The following RBFOX1 variants were observed in gnomAD, a reference collection of about 807,000 sequenced individuals.
RBFOX1 encodes RNA binding protein fox-1 homolog 1.
In RBFOX1, 8 loss-of-function variants were observed where a neutral mutation model predicts 57.7. The observed-to-expected ratio is 0.14, with a 90% CI of 0.08 to 0.25. The LOEUF (loss-of-function observed/expected upper bound fraction) is 0.25. RBFOX1 is among the 10% of genes least tolerant of loss of function. The pLI, the probability that RBFOX1 is intolerant of heterozygous loss-of-function variation, is 1.00. For missense variants in RBFOX1, 611 were observed against 548.5 expected (o/e 1.11, Z -1.14); for synonymous variants, 326 against 222.4 (o/e 1.47, Z -4.15).
intron 1 of RBFOX1, among the ~76,000 whole-genome samples, chr16:6,146,982 C>T (rs921133855): frequency 1.3e-5 from 2 of 152,110 alleles, no homozygotes; most frequent in African/African-American, 4.8e-5. Context: ...TCCCACTGGT[C>T]GTGCATTAAA....
chr16:5,610,587 A>AGGTTGAGGCAGGAGGTC (rs769832421), intron 3 of RBFOX1: 2 of 152,262 alleles, frequency 1.3e-5, no homozygotes, highest in Admixed American at 6.5e-5. Flanking sequence ...AGTGCTTTGG[A>AGGTTGAGGCAGGAGGTC]GGTTGAGGCA....
intron 3 of RBFOX1, among the ~76,000 whole-genome samples, chr16:6,875,396 G>A (rs913237412): frequency 2.6e-5 from 4 of 152,142 alleles, no homozygotes; most frequent in South Asian, 2.1e-4. Flanking sequence ...TCTGAAGCTG[G>A]TAGTGGTTTT....
At chr16:5,752,241 G>C (rs972914605) in intron 3 of RBFOX1, among the ~76,000 whole-genome samples, 16 of 152,184 alleles carry the variant, frequency 1.1e-4, no homozygotes, top group Non-Finnish European at 1.5e-5. Context: ...GGGACACATA[G>C]AGGGGAGAAA....
intron 3 of RBFOX1, among the ~76,000 whole-genome samples, chr16:6,797,817 T>C (rs1603625973): frequency 2.6e-5 from 4 of 152,298 alleles, no homozygotes; most frequent in Admixed American, 6.5e-5. Context: ...CAACATTATG[T>C]CTGCAATCAT....
intron 2 of RBFOX1, among the ~76,000 whole-genome samples, chr16:6,555,092 A>G (rs2097073291): frequency 6.6e-6 from 1 of 152,164 alleles, no homozygotes; most frequent in Admixed American, 6.5e-5. Context: ...AACACAGGGA[A>G]GGAGGATAAG....
intron 4 of RBFOX1, among the ~76,000 whole-genome samples, chr16:7,303,579 AT>A (rs1346623481): frequency 6.6e-6 from 1 of 152,180 alleles, no homozygotes; most frequent in Non-Finnish European, 1.5e-5. Context: ...AACAAAAAAA[AT>A]AAATAATTTT....
chr16:6,473,276 C>T lies in RBFOX1; in HGVS notation c.-64+156219C>T, dbSNP rs374107995. On this transcript the variant is annotated intron_variant, in intron 2 of 15. Coordinates refer to ENST00000550418, the MANE Select transcript of RBFOX1 (RefSeq NM_018723.4). The stretch of plus-strand genomic sequence containing the variant: ...GGCTTTTTGTTGGCAGGGTACATGT[C>T]TGTCTCATTTTTGTAGTTCTGTAGT... 2.6e-5 allele frequency among the ~76,000 whole-genome samples: 4 copies of T among 152,140 alleles called. No individual in the cohort carries two copies. The East Asian group carries it at 7.7e-4, about 29-fold the overall frequency.
Position 5,585,036 on chromosome 16 carries a change from C to T in RBFOX1, c.259-13866C>T, listed in dbSNP as rs1423573882. Among the ~76,000 whole-genome samples, 6 of 152,228 alleles carry T rather than the reference C, an allele frequency of 3.9e-5. No individual in the cohort carries two copies. In the East Asian group the frequency reaches 9.7e-4, roughly 24 times the overall value. On this transcript the variant is annotated intron_variant, in intron 2 of 2. Coordinates refer to the RBFOX1 transcript ENST00000585867. The stretch of plus-strand genomic sequence containing the variant: ...CAGCCTCCACATAGCATAAAATTAA[C>T]CATTTTGGAGTTAACAATTCAGTGG...
chr16:7,579,661 C>T, intron 5 of RBFOX1, 116 bp from the exon 6 acceptor site: 2 of 1,298,346 alleles, frequency 1.5e-6, no homozygotes, highest in Non-Finnish European at 2.2e-6. Context: ...CATTTTCTTC[C>T]CTTCTCAGAT....
intron 4 of RBFOX1, among the ~76,000 whole-genome samples, chr16:7,144,790 T>C (rs920342996): frequency 1.3e-4 from 20 of 152,070 alleles, no homozygotes; most frequent in African/African-American, 4.3e-4. Context: ...CCTAAATCAA[T>C]AGCAAATCAA....
At chr16:7,496,603 C>G (rs763218535) in intron 4 of RBFOX1, among the ~76,000 whole-genome samples, 2 of 151,996 alleles carry the variant, frequency 1.3e-5, no homozygotes, top group Non-Finnish European at 2.9e-5. Context: ...AGTGTGTGTT[C>G]AAGTACTTGT....
chr16:5,965,283 G>T (rs1433088546), intron 4 of RBFOX1, among the ~76,000 whole-genome samples: 1 of 152,194 alleles, frequency 6.6e-6, no homozygotes, highest in Non-Finnish European at 1.5e-5. Context: ...TTTGCTAGGA[G>T]AGTAGACCTC....
At chr16:5,711,270 G>C (rs1268555738) in intron 3 of RBFOX1, among the ~76,000 whole-genome samples, 1 of 152,176 alleles carries the variant, frequency 6.6e-6, no homozygotes, top group East Asian at 1.9e-4. Context: ...ATTGGTATTA[G>C]TCATTGTTAT....
chr16:6,502,001 G>T (rs1160564079), intron 2 of RBFOX1, among the ~76,000 whole-genome samples: 1 of 152,132 alleles, frequency 6.6e-6, no homozygotes, highest in Non-Finnish European at 1.5e-5. Flanking sequence ...GGGATCGTGT[G>T]TCCTTGATTT....
chr16:5,908,332 ATG>A (rs879393323), intron 4 of RBFOX1, among the ~76,000 whole-genome samples: 49 of 137,436 alleles, frequency 3.6e-4, no homozygotes, highest in South Asian at 7.7e-4. Context: ...ACATATATAT[ATG>A]TGTGTGTGTG....
At chr16:7,608,881 G>A (rs1229676723) in intron 10 of RBFOX1, among the ~76,000 whole-genome samples, 1 of 152,208 alleles carries the variant, frequency 6.6e-6, no homozygotes, top group African/African-American at 2.4e-5. Context: ...TGAATTTTGA[G>A]TATGCTATGA....
intron 3 of RBFOX1, among the ~76,000 whole-genome samples, chr16:7,004,315 G>T (rs559701316): frequency 1.3e-5 from 2 of 152,070 alleles, no homozygotes; most frequent in Admixed American, 6.6e-5. Context: ...GATACCTAAG[G>T]TTATATTTGT....
At chr16:6,538,641 T>A (rs7201743) in intron 2 of RBFOX1, among the ~76,000 whole-genome samples, 144,794 of 152,328 alleles carry the variant, frequency 0.95, 69,269 homozygotes, top group East Asian at 1. Flanking sequence ...TATTGCTGGT[T>A]GGATTGCAGA....
intron 3 of RBFOX1, among the ~76,000 whole-genome samples, chr16:5,788,150 G>T (rs2054570186): frequency 6.6e-6 from 1 of 152,206 alleles, no homozygotes; most frequent in African/African-American, 2.4e-5. Context: ...GTGACATCTG[G>T]CCATGCTGGA....
Sources: allele counts gnomAD v4.1 joint callset (sites outside exome capture counted in the v4.1 genomes callset), GRCh38; gene constraint gnomAD v4.1.1; transcripts MANE v1.5; gene names NCBI Gene and HGNC (gene_info 2026-07-23, HGNC 2026-07-21).